HIF1AN: variants seen among roughly 807,000 people sequenced by gnomAD.
HIF1AN encodes the protein hypoxia-inducible factor 1-alpha inhibitor.
A neutral mutation model predicts 47.7 loss-of-function variants in HIF1AN; 21 were observed. The ratio of observed to expected loss-of-function variants is 0.44; its 90% CI spans 0.31 to 0.63. The LOEUF (loss-of-function observed/expected upper bound fraction) is 0.63. Ranked by LOEUF, HIF1AN falls within the 30% of genes least tolerant of loss-of-function variation. HIF1AN has a pLI of 0.07. For synonymous variants in HIF1AN, 152 were observed against 155.9 expected (o/e 0.98, Z 0.18); for missense variants, 320 against 432.7 (o/e 0.74, Z 2.31).
chr10:100,546,200 T>C, intron 5 of HIF1AN, 151 bp downstream of exon 5: 1 of 643,524 alleles, frequency 1.6e-6, no homozygotes, highest in Non-Finnish European at 2.7e-6. Flanking sequence ...GTACTGAACC[T>C]GTGGGGGATA....
chr10:100,540,518 C>A, intron 2 of HIF1AN, 116 bp from the exon 3 acceptor site: 1 of 1,159,538 alleles, frequency 8.6e-7, no homozygotes, highest in Non-Finnish European at 1.2e-6. Flanking sequence ...CTGACTACAT[C>A]TGTTCTCTGT....
chr10:100,547,803 C>G (rs542952133), intron 7 of HIF1AN, among the ~76,000 whole-genome samples: 1 of 152,080 alleles, frequency 6.6e-6, no homozygotes, highest in South Asian at 2.1e-4. Flanking sequence ...CTTGGGTGTT[C>G]GGGGATTATT....
At chr10:100,545,258 C>A in intron 4 of HIF1AN, 162 bp downstream of exon 4, 1 of 708,446 alleles carries the variant, frequency 1.4e-6, no homozygotes, top group Non-Finnish European at 2.2e-6. Context: ...TCACATATTC[C>A]AGGCTCCCTG....
At position 100,558,738 on chromosome 10, in the gene HIF1AN, C is replaced by A. The variant is rs1054676022; in HGVS notation, c.*10601C>A. ...TTTCACAGTCTAGTCAGTGGCCCAACCAACATATCTGGTTGTTCTGCAATC... is the reference window on the plus strand; with the variant it reads ...TTTCACAGTCTAGTCAGTGGCCCAAACAACATATCTGGTTGTTCTGCAATC... On this transcript the variant is annotated 3_prime_UTR_variant, in exon 8 of 8. Coordinates refer to ENST00000299163, the MANE Select transcript of HIF1AN (RefSeq NM_017902.3). 3 of 152,224 alleles carry A rather than the reference C, an allele frequency of 2.0e-5. No homozygotes were observed. The highest frequency in any genetic ancestry group is 4.4e-5 in the Non-Finnish European group (3 of 68,036). 9.4% of individuals were successfully genotyped at this position (152,224 alleles called of 1,614,324 possible). A position where few individuals can be genotyped will look rare whatever the true frequency, so the allele number is the denominator to read the frequency against.
At chr10:100,540,551 G>T in intron 2 of HIF1AN, 83 bp from the exon 3 acceptor site, 1 of 1,496,394 alleles carries the variant, frequency 6.7e-7, no homozygotes. Context: ...TATGGATTTG[G>T]GCTTGGATTT....
rs747149023 is a variant in HIF1AN, at chr10:100,536,609, C to A, written c.376C>A (p.His126Asn). ...PRSNREEMKF[H>N]EFVEKLQDIQ... ...GTCCAACAGGGAAGAAATGAAATTT[C>A]ATGAGTTCGTTGAGAAACTGCAGGA... Residue 126 changes from histidine (H) to asparagine (N), a missense_variant, in exon 2 of 8, where the codon CAT (histidine) becomes AAT (asparagine). His to Asn is a moderately conservative substitution (Grantham distance 68, BLOSUM62 1). Transcript: ENST00000299163. 3.8e-5 allele frequency: 61 copies of A among 1,614,028 alleles called. No homozygotes were observed. The highest frequency in any genetic ancestry group is 5.1e-5 in the Non-Finnish European group (60 of 1,180,020).
At position 100,548,249 on chromosome 10, in the gene HIF1AN, TG is replaced by T. The variant is rs1338082935; in HGVS notation, c.*114del. On this transcript the variant is annotated 3_prime_UTR_variant, in exon 8 of 8. Coordinates refer to ENST00000299163, the MANE Select transcript of HIF1AN (RefSeq NM_017902.3). ...GTATTGCACGCTGCACTTAATGGAC[TG>T]GACTCTTGCCATGGCCCAGGAGTCA... 2 of 924,074 alleles carry T rather than the reference TG, an allele frequency of 2.2e-6. 1 individual carries two copies. Among genetic ancestry groups the T allele is most frequent in the Admixed American group, 6.3e-5 (2 of 31,610 alleles). The allele number at this position is 924,074 out of a possible 1,614,324, so 57.2% of individuals were successfully genotyped here.
chr10:100,547,288 G>C (rs758207473), intron 7 of HIF1AN, 38 bp downstream of exon 7: 1 of 1,316,814 alleles, frequency 7.6e-7, no homozygotes, highest in South Asian at 1.2e-5. Context: ...TGGGTGGGTT[G>C]ACCAAGGAAA....
In HIF1AN at chr10:100,548,418, T is replaced by TTG; in HGVS notation, c.*283_*284dup. 2 of 419,836 alleles carry TTG rather than the reference T, an allele frequency of 4.8e-6. No homozygotes were observed. Among genetic ancestry groups the TTG allele is most frequent in the Non-Finnish European group, 8.5e-6 (2 of 235,052 alleles). The allele number at this position is 419,836 out of a possible 1,614,324, so 26.0% of individuals were successfully genotyped here. ...CAGTGTGTGGAGTCCCAGCTTTTGG[T>TTG]TGTCATCATGTCTGTGTGTATGTTA... On this transcript the variant is annotated 3_prime_UTR_variant, in exon 8 of 8. Transcript: ENST00000299163.
rs1843232046 is a variant in HIF1AN, at chr10:100,558,430, A to G, written c.*10293A>G. 1 of 152,184 alleles carries G rather than the reference A, an allele frequency of 6.6e-6. No individual in the cohort carries two copies. 9.4% of individuals were successfully genotyped at this position (152,184 alleles called of 1,614,324 possible). On this transcript the variant is annotated 3_prime_UTR_variant, in exon 8 of 8. Transcript: ENST00000299163. ...AGCCTAGGCAGCATAGTGACACCCC[A>G]TCTCTTGAAAAAACAAACACTCTTA...
At chr10:100,539,854 G>C (rs1354323091) in intron 2 of HIF1AN, among the ~76,000 whole-genome samples, 1 of 152,162 alleles carries the variant, frequency 6.6e-6, no homozygotes, top group South Asian at 2.1e-4. Flanking sequence ...AAGGGCCAAC[G>C]GAGATGTCTC....
At chr10:100,546,496 G>T in intron 5 of HIF1AN, 22 bp from the exon 6 acceptor site, 1 of 1,603,782 alleles carries the variant, frequency 6.2e-7, no homozygotes, top group Non-Finnish European at 8.5e-7. Flanking sequence ...TAGTAAACAG[G>T]AGCCTGTTTG....
In HIF1AN at chr10:100,553,054, C is replaced by T. The variant is rs375920072; in HGVS notation, c.*4917C>T. 8.5e-5 allele frequency: 13 copies of T among 152,160 alleles called. No individual in the cohort carries two copies. The highest frequency in any genetic ancestry group is 2.9e-4 in the African/African-American group (12 of 41,472). The allele number at this position is 152,160 out of a possible 1,614,324, so 9.4% of individuals were successfully genotyped here. A position where few individuals can be genotyped will look rare whatever the true frequency, so the allele number is the denominator to read the frequency against. On this transcript the variant is annotated 3_prime_UTR_variant, in exon 8 of 8. Transcript: ENST00000299163. The stretch of plus-strand genomic sequence containing the variant: ...TGGGGGCGTGTGGTCAGTGAGGCCT[C>T]CAGAGGTGGGTTAGGGGTGGGCACC...
Position 100,559,018 on chromosome 10 carries a change from CGAATTTTAAGTT to C in HIF1AN, c.*10885_*10896del, listed in dbSNP as rs1360602740. 6.7e-6 allele frequency: 1 copy of C among 150,188 alleles called. No homozygotes were observed. The highest frequency in any genetic ancestry group is 1.5e-5 in the Non-Finnish European group (1 of 67,756). 9.3% of individuals were successfully genotyped at this position (150,188 alleles called of 1,614,324 possible). A position where few individuals can be genotyped will look rare whatever the true frequency, so the allele number is the denominator to read the frequency against. The stretch of plus-strand genomic sequence containing the variant: ...CAACTAAAAAGTGTGTATTTATACT[CGAATTTTAAGTT>C]GAAATTTTGCTAAGTTTCTTTTTTT... On this transcript the variant is annotated 3_prime_UTR_variant, in exon 8 of 8. Transcript: ENST00000299163.
intron 1 of HIF1AN, 29 bp from the exon 2 acceptor site, chr10:100,536,382 G>A (rs987123574): frequency 6.2e-7 from 1 of 1,608,660 alleles, no homozygotes; most frequent in Non-Finnish European, 8.5e-7. Flanking sequence ...TACTTCATTT[G>A]GTGTTTTTCA....
chr10:100,547,914 A>C (rs7073586), intron 7 of HIF1AN, among the ~76,000 whole-genome samples, 179 bp from the exon 8 acceptor site: 1 of 151,986 alleles, frequency 6.6e-6, no homozygotes, highest in East Asian at 1.9e-4. Context: ...TGAGGGAAAG[A>C]CTATGTCCCA....
chr10:100,546,382 G>T, intron 5 of HIF1AN, 136 bp from the exon 6 acceptor site: 2 of 707,158 alleles, frequency 2.8e-6, no homozygotes, highest in Non-Finnish European at 5.0e-6. Context: ...TGAGTGTAAA[G>T]ATATTGTCTT....
At chr10:100,544,879 C>T in intron 3 of HIF1AN, 72 bp from the exon 4 acceptor site, 1 of 1,456,790 alleles carries the variant, frequency 6.9e-7, no homozygotes, top group East Asian at 2.3e-5. Flanking sequence ...TTCTCTTTAG[C>T]ACTGGGTCCT....
At chr10:100,542,668 C>T (rs887222934) in intron 3 of HIF1AN, among the ~76,000 whole-genome samples, 5 of 152,016 alleles carry the variant, frequency 3.3e-5, no homozygotes, top group African/African-American at 4.8e-5. Flanking sequence ...TCAACTTTAT[C>T]TTTTAAATAG....
Sources: allele counts gnomAD v4.1 joint callset (sites outside exome capture counted in the v4.1 genomes callset), GRCh38; gene constraint gnomAD v4.1.1; transcripts MANE v1.5; gene names NCBI Gene and HGNC (gene_info 2026-07-23, HGNC 2026-07-21).